Variants in FGF12 observed in about 807,000 individuals in gnomAD.
FGF12 encodes the protein fibroblast growth factor 12B.
FGF12 carries 14 observed loss-of-function variants against 23.6 expected under a neutral mutation model. The ratio of observed to expected loss-of-function variants is 0.59; its 90% CI spans 0.39 to 0.93. The LOEUF is 0.93. Among genes scored for constraint, FGF12 ranks in the 40% least tolerant of loss-of-function variants. The pLI is 0.00. For synonymous variants in FGF12, 62 were observed against 77.3 expected (o/e 0.80, Z 1.04); for missense variants, 175 against 217.8 (o/e 0.80, Z 1.24).
rs187952741 is a variant in FGF12 at position 192,561,621 on chromosome 3, C to T, written c.13+165560G>A. Among the ~76,000 whole-genome samples the T allele has an allele frequency of 1.2e-4, 18 of 151,998 alleles. No homozygotes were observed. In the East Asian group the frequency reaches 3.1e-3, roughly 26 times the overall value. On this transcript the variant is annotated intron_variant, in intron 2 of 5. Transcript: ENST00000445105. ...TTGTGATCCGCCCGCCTCGGCCTCCCAAAGTGCTGGGATTACAGGCGTGAG... is the reference window on the plus strand; with the variant it reads ...TTGTGATCCGCCCGCCTCGGCCTCCTAAAGTGCTGGGATTACAGGCGTGAG...
At chr3:192,577,218 A>T (rs1435551856) in intron 2 of FGF12, among the ~76,000 whole-genome samples, 1 of 152,180 alleles carries the variant, frequency 6.6e-6, no homozygotes, top group Non-Finnish European at 1.5e-5. Context: ...AAATAAATAA[A>T]TAAATAATAC....
chr3:192,240,505 T>C (rs1719559831), intron 4 of FGF12, among the ~76,000 whole-genome samples: 1 of 152,224 alleles, frequency 6.6e-6, no homozygotes, highest in Non-Finnish European at 1.5e-5. Context: ...TTAGCTGTTA[T>C]ATGCAAAAGA....
chr3:192,445,807 CAA>C (rs1028358617), intron 2 of FGF12, among the ~76,000 whole-genome samples: 48 of 152,164 alleles, frequency 3.2e-4, no homozygotes, highest in African/African-American at 1.2e-3. Flanking sequence ...CACCAGAAAA[CAA>C]ACCTCCCACC....
At chr3:192,378,086 C>CTTTCTTTCTTTA (rs1719640657) in intron 2 of FGF12, among the ~76,000 whole-genome samples, 1 of 119,272 alleles carries the variant, frequency 8.4e-6, no homozygotes, top group Non-Finnish European at 1.7e-5. Context: ...TTCTTTCTTT[C>CTTTCTTTCTTTA]TTTCTTTCTT....
At chr3:192,579,547 A>G (rs1230456794) in intron 2 of FGF12, among the ~76,000 whole-genome samples, 2 of 152,186 alleles carry the variant, frequency 1.3e-5, no homozygotes, top group Non-Finnish European at 2.9e-5. Context: ...GCTGTAAACC[A>G]CATGTTATTA....
At chr3:192,391,742 T>C (rs557490096) in intron 2 of FGF12, among the ~76,000 whole-genome samples, 15 of 152,334 alleles carry the variant, frequency 9.8e-5, no homozygotes, top group African/African-American at 3.4e-4. Context: ...AAGTTTGGTG[T>C]CCTGATTTTC....
intron 2 of FGF12, among the ~76,000 whole-genome samples, chr3:192,410,691 G>A (rs751743577): frequency 1.3e-5 from 2 of 152,156 alleles, no homozygotes; most frequent in Non-Finnish European, 2.9e-5. Context: ...CTGGAAAGCT[G>A]CAAAGCAGGC....
chr3:192,335,585 G>T, intron 3 of FGF12, 121 bp from the exon 4 acceptor site: 1 of 657,484 alleles, frequency 1.5e-6, no homozygotes, highest in Non-Finnish European at 2.7e-6. Flanking sequence ...AATGGAGAGA[G>T]AAATAAAGAG....
At chr3:192,647,011 G>A (rs1196702144) in intron 2 of FGF12, among the ~76,000 whole-genome samples, 1 of 152,040 alleles carries the variant, frequency 6.6e-6, no homozygotes, top group African/African-American at 2.4e-5. Flanking sequence ...TTTGAAAACC[G>A]ATATTGTCTT....
At chr3:192,477,237 T>C (rs1323180195) in intron 2 of FGF12, among the ~76,000 whole-genome samples, 1 of 152,140 alleles carries the variant, frequency 6.6e-6, no homozygotes, top group Non-Finnish European at 1.5e-5. Flanking sequence ...GACTTTGCTT[T>C]CTCTCTTCAC....
intron 2 of FGF12, among the ~76,000 whole-genome samples, chr3:192,362,024 A>G (rs1341363302): frequency 1.3e-5 from 2 of 152,214 alleles, no homozygotes; most frequent in East Asian, 3.8e-4. Context: ...GTCCTCATCA[A>G]TAAAAATCTG....
chr3:192,297,416 G>A (rs1715103496), intron 4 of FGF12, among the ~76,000 whole-genome samples: 1 of 151,532 alleles, frequency 6.6e-6, no homozygotes, highest in Non-Finnish European at 1.5e-5. Flanking sequence ...GCATGACAGA[G>A]TATGCAATAT....
intron 2 of FGF12, among the ~76,000 whole-genome samples, chr3:192,377,359 T>A (rs936761625): frequency 2.6e-5 from 4 of 152,228 alleles, no homozygotes; most frequent in Admixed American, 2.6e-4. Flanking sequence ...CCTGCTCATC[T>A]CGATAAATAT....
At chr3:192,475,985 T>C (rs1184337128) in intron 2 of FGF12, among the ~76,000 whole-genome samples, 1 of 151,476 alleles carries the variant, frequency 6.6e-6, no homozygotes, top group East Asian at 1.9e-4. Context: ...AAAATATTTC[T>C]GAAAAATAGC....
chr3:192,195,609 G>A (rs1490481054), intron 4 of FGF12, among the ~76,000 whole-genome samples: 3 of 152,106 alleles, frequency 2.0e-5, no homozygotes, highest in South Asian at 2.1e-4. Flanking sequence ...TATACTCTAC[G>A]ATAGTCACAC....
At chr3:192,540,334 G>A (rs755494412) in intron 2 of FGF12, among the ~76,000 whole-genome samples, 5 of 151,948 alleles carry the variant, frequency 3.3e-5, no homozygotes, top group African/African-American at 7.2e-5. Flanking sequence ...TCAGTGTGTC[G>A]TGTCTCCATT....
intron 4 of FGF12, among the ~76,000 whole-genome samples, chr3:192,247,434 T>C (rs1711697918): frequency 6.6e-6 from 1 of 152,146 alleles, no homozygotes; most frequent in African/African-American, 2.4e-5. Flanking sequence ...TGCAATCAGA[T>C]ATGGCTCAAT....
intron 3 of FGF12, among the ~76,000 whole-genome samples, chr3:192,351,082 TA>T (rs1369047352): frequency 2.0e-5 from 3 of 152,250 alleles, no homozygotes; most frequent in African/African-American, 7.2e-5. Flanking sequence ...AAAGCTATTG[TA>T]CTATTTGCTC....
chr3:192,374,271 T>A (rs2108746377), intron 2 of FGF12, among the ~76,000 whole-genome samples: 1 of 152,340 alleles, frequency 6.6e-6, no homozygotes, highest in South Asian at 2.1e-4. Flanking sequence ...ATGAAAAAAT[T>A]GAAACTCTTC....
Sources: gnomAD v4.1 joint callset for allele counts (sites outside exome capture counted in the v4.1 genomes callset) on GRCh38, gnomAD v4.1.1 for gene constraint, MANE v1.5 for transcripts, NCBI Gene and HGNC (gene_info 2026-07-23, HGNC 2026-07-21) for gene names.